The following HDGF variants were observed in gnomAD, a reference collection of about 807,000 sequenced individuals.
HDGF encodes hepatoma-derived growth factor.
Under a neutral mutation model 30.0 loss-of-function variants are expected in HDGF, and 5 were observed. That is an observed-to-expected ratio of 0.17 (90% confidence interval 0.09 to 0.35). The LOEUF (loss-of-function observed/expected upper bound fraction) is 0.35, where lower values mean the gene tolerates loss of function less well. Among genes scored for constraint, HDGF ranks in the 10% least tolerant of loss-of-function variants. The pLI, the probability that HDGF is intolerant of heterozygous loss-of-function variation, is 1.00. For missense variants in HDGF, 214 were observed against 302.8 expected, an observed-to-expected ratio of 0.71 and a Z score of 2.18; for synonymous variants, 133 against 112.7, an observed-to-expected ratio of 1.18 and a Z score of -1.14.
At chr1:156,750,391 T>C (rs559148166) in intron 1 of HDGF, among the ~76,000 whole-genome samples, 1 of 152,260 alleles carries the variant, frequency 6.6e-6, no homozygotes, top group African/African-American at 2.4e-5. Context: ...TTACTTAACC[T>C]GTCTCAGTCC....
At chr1:156,754,054 T>C (rs1305758951), upstream of HDGF, among the ~76,000 whole-genome samples, 4 of 151,848 alleles carry the variant, frequency 2.6e-5, no homozygotes, top group Admixed American at 6.6e-5. Flanking sequence ...TAGCTGGGAT[T>C]ACAGGCACGC....
At chr1:156,757,122 TATAA>T (rs1558039322), upstream of HDGF, among the ~76,000 whole-genome samples, 1 of 151,848 alleles carries the variant, frequency 6.6e-6, no homozygotes, top group Non-Finnish European at 1.5e-5. Flanking sequence ...AAGGGAAAAT[TATAA>T]GAGTTATTCT....
chr1:156,764,081 T>TTTG (rs1651306581), intron 1 of HDGF, among the ~76,000 whole-genome samples: 1 of 150,884 alleles, frequency 6.6e-6, no homozygotes. Context: ...TTTTTTCTGT[T>TTTG]TTTGTTTGTT....
At chr1:156,757,247 G>A (rs1004331552), upstream of HDGF, among the ~76,000 whole-genome samples, 11 of 148,546 alleles carry the variant, frequency 7.4e-5, no homozygotes, top group Non-Finnish European at 7.5e-5. Flanking sequence ...AGGCGATCAT[G>A]AGGTCAGAAG....
chr1:156,751,568 C>T lies in HDGF; in HGVS notation c.-139G>A, dbSNP rs1157949870. The T allele has an allele frequency of 2.0e-6, 2 of 987,480 alleles. No homozygotes were observed. The highest frequency in any genetic ancestry group is 3.5e-5 in the African/African-American group (2 of 56,916). The allele number at this position is 987,480 out of a possible 1,614,324, so 61.2% of individuals were successfully genotyped here. On this transcript the variant is annotated 5_prime_UTR_variant, in exon 1 of 6. Transcript: ENST00000357325. This position sits in a 1 kb window ranked among gnomAD's most constrained non-coding sequence, Gnocchi z 4.7. ...CGATGGTGGCCCCCGGCCCGAGCTC[C>T]GGCGCGGCCACGGCGTCTCCGCCCG... is the stretch of plus-strand genomic sequence containing the variant.
chr1:156,749,939 G>A (rs1650849985), intron 1 of HDGF, among the ~76,000 whole-genome samples: 1 of 152,180 alleles, frequency 6.6e-6, no homozygotes, highest in Admixed American at 6.5e-5. Context: ...AAGGGTGCAG[G>A]GTAAAGTACA....
Position 156,743,198 on chromosome 1 carries a change from C to T in HDGF, c.*251G>A. 2.3e-6 allele frequency: 1 copy of T among 435,082 alleles called. No individual in the cohort carries two copies. The highest frequency in any genetic ancestry group is 4.1e-6 in the Non-Finnish European group (1 of 244,908). 27.0% of individuals were successfully genotyped at this position (435,082 alleles called of 1,614,324 possible). A position where few individuals can be genotyped will look rare whatever the true frequency, so the allele number is the denominator to read the frequency against. On this transcript the variant is annotated 3_prime_UTR_variant, in exon 6 of 6. Transcript: ENST00000357325. The stretch of plus-strand genomic sequence containing the variant: ...AGCGGAAGGAACACAGTGGCCTCAA[C>T]TCATTCCAGGGAGAAGACATGGCTC...
intron 1 of HDGF, among the ~76,000 whole-genome samples, chr1:156,761,836 A>G (rs11583689): frequency 0.07 from 10,189 of 146,260 alleles, 914 homozygotes; most frequent in East Asian, 0.49. Flanking sequence ...AGTCCCAGCT[A>G]CTCGGGAGGC....
intron 1 of HDGF, among the ~76,000 whole-genome samples, chr1:156,748,692 C>A (rs1650760480): frequency 6.6e-6 from 1 of 152,156 alleles, no homozygotes. Context: ...ACCTCTCCCC[C>A]AGCCTCAGAC....
chr1:156,743,599 G>C, intron 5 of HDGF, 53 bp downstream of exon 5: 2 of 1,554,712 alleles, frequency 1.3e-6, no homozygotes, highest in Non-Finnish European at 1.8e-6. Flanking sequence ...TCTTCTCCGA[G>C]AGTGGCCGGT....
intron 1 of HDGF, among the ~76,000 whole-genome samples, chr1:156,761,134 G>A (rs890086008): frequency 1.3e-5 from 2 of 151,742 alleles, no homozygotes; most frequent in Admixed American, 1.3e-4. Context: ...CTAACTTGGT[G>A]AACCCCTGTC....
intron 1 of HDGF, among the ~76,000 whole-genome samples, chr1:156,762,240 T>C (rs1251136757): frequency 6.8e-6 from 1 of 147,252 alleles, no homozygotes; most frequent in African/African-American, 2.5e-5. Flanking sequence ...AACAGTTTCA[T>C]ATAAGGAAAA....
chr1:156,766,173 T>A (rs780301432), intron 1 of HDGF, among the ~76,000 whole-genome samples: 1 of 152,010 alleles, frequency 6.6e-6, no homozygotes, highest in Non-Finnish European at 1.5e-5. Flanking sequence ...GGTGGAGAGG[T>A]TGGGGAGGAG....
Position 156,766,568 on chromosome 1 carries a change from G to A in HDGF, n.136+222C>T, listed in dbSNP as rs376869786. 4.2e-4 allele frequency among the ~76,000 whole-genome samples: 64 copies of A among 152,272 alleles called. 1 individual carries two copies. The South Asian group carries it at 0.013, about 31-fold the overall frequency. The stretch of plus-strand genomic sequence containing the variant: ...AGCAGACATAAATGGGCTGGACAAG[G>A]ACTCCTATAAACATGGATGGAAAGG... On this transcript the variant is annotated intron_variant and non_coding_transcript_variant, in intron 1 of 7. Coordinates refer to the HDGF transcript ENST00000465180.
upstream of HDGF, chr1:156,751,923 C>G: frequency 9.3e-7 from 1 of 1,070,024 alleles, no homozygotes; most frequent in Non-Finnish European, 1.3e-6. This position sits in a 1 kb window ranked among gnomAD's most constrained non-coding sequence, Gnocchi z 4.7. Context: ...TCGCCGAGCA[C>G]GCCGAGCAGG....
chr1:156,748,787 A>G (rs1650768357), intron 1 of HDGF, among the ~76,000 whole-genome samples: 1 of 152,204 alleles, frequency 6.6e-6, no homozygotes, highest in African/African-American at 2.4e-5. Context: ...CACCACACCC[A>G]GGGCTGAGGC....
At chr1:156,748,854 G>C (rs1336311572) in intron 1 of HDGF, among the ~76,000 whole-genome samples, 1 of 152,182 alleles carries the variant, frequency 6.6e-6, no homozygotes, top group Non-Finnish European at 1.5e-5. Context: ...GGCCAGGAAA[G>C]TGTGGCAAGC....
chr1:156,752,938 G>A (rs1246567167), upstream of HDGF, among the ~76,000 whole-genome samples: 1 of 152,170 alleles, frequency 6.6e-6, no homozygotes, highest in South Asian at 2.1e-4. Flanking sequence ...AGGAAGTCCA[G>A]GATGTAGCCA....
At chr1:156,753,322 C>G (rs1651079551), upstream of HDGF, among the ~76,000 whole-genome samples, 1 of 152,174 alleles carries the variant, frequency 6.6e-6, no homozygotes, top group African/African-American at 2.4e-5. Context: ...ACAAGCTTGT[C>G]AATTTGTTTC....
Sources: gnomAD v4.1 joint callset for allele counts (sites outside exome capture counted in the v4.1 genomes callset) on GRCh38, gnomAD v4.1.1 for gene constraint, Gnocchi (gnomAD v3.1) non-coding constraint, MANE v1.5 for transcripts, NCBI Gene and HGNC (gene_info 2026-07-23, HGNC 2026-07-21) for gene names.